Variants in RALGPS1 observed in about 807,000 individuals in gnomAD.
RALGPS1 encodes ras-specific guanine nucleotide-releasing factor RalGPS1.
A neutral mutation model predicts 78.8 loss-of-function variants in RALGPS1; 19 were observed. The observed-to-expected ratio is 0.24, with a 90% CI of 0.17 to 0.35. RALGPS1 has a LOEUF of 0.35. Among genes scored for constraint, RALGPS1 ranks in the 10% least tolerant of loss-of-function variants. The probability of loss-of-function intolerance (pLI) is 1.00; values close to 1 mark genes in which losing one functional copy is unlikely to be tolerated. For missense variants in RALGPS1, 454 were observed against 688.3 expected (o/e 0.66, Z 3.81); for synonymous variants, 228 against 256.3 (o/e 0.89, Z 1.06).
intron 4 of RALGPS1, among the ~76,000 whole-genome samples, chr9:126,996,629 C>G (rs1226391960): frequency 2.0e-5 from 3 of 152,218 alleles, no homozygotes; most frequent in Non-Finnish European, 4.4e-5. Flanking sequence ...ACCAATCCTT[C>G]TGAAACTATT....
chr9:127,204,892 G>A (rs1204475064), intron 14 of RALGPS1, among the ~76,000 whole-genome samples: 2 of 152,194 alleles, frequency 1.3e-5, no homozygotes, highest in Non-Finnish European at 2.9e-5. Context: ...GCCCAGGTCT[G>A]CCAGGTCCCA....
At chr9:127,088,985 TTGAG>T in intron 8 of RALGPS1, 5 of 1,614,186 alleles carry the variant, frequency 3.1e-6, no homozygotes, top group Non-Finnish European at 4.2e-6. Flanking sequence ...CACCACTTTC[TTGAG>T]TGAGTAAGAG....
chr9:127,163,091 C>T (rs559636362), intron 8 of RALGPS1, among the ~76,000 whole-genome samples: 1 of 152,310 alleles, frequency 6.6e-6, no homozygotes, highest in Admixed American at 6.5e-5. Flanking sequence ...TCTCCAGTTT[C>T]TCTGCTTCTA....
chr9:127,044,941 T>A (rs1463322346), intron 5 of RALGPS1, among the ~76,000 whole-genome samples: 3 of 152,254 alleles, frequency 2.0e-5, no homozygotes, highest in Non-Finnish European at 1.5e-5. Flanking sequence ...AATCAAGTTA[T>A]CAACATGATT....
intron 1 of RALGPS1, among the ~76,000 whole-genome samples, chr9:126,917,892 G>A (rs1466416474): frequency 6.6e-6 from 1 of 152,150 alleles, no homozygotes; most frequent in East Asian, 1.9e-4. Context: ...AGAGTCCTTC[G>A]AGCTCTAGCC....
At chr9:127,111,720 A>G (rs1480972351) in intron 8 of RALGPS1, among the ~76,000 whole-genome samples, 3 of 152,218 alleles carry the variant, frequency 2.0e-5, no homozygotes, top group Non-Finnish European at 4.4e-5. Flanking sequence ...TAAGGTAGAT[A>G]CTGTTGCTGT....
At chr9:127,045,268 A>C (rs1038780276) in intron 5 of RALGPS1, among the ~76,000 whole-genome samples, 1 of 152,244 alleles carries the variant, frequency 6.6e-6, no homozygotes, top group Non-Finnish European at 1.5e-5. Context: ...AAAATGTTAT[A>C]GCAGAATGTA....
chr9:126,976,337 A>C (rs2040628530), intron 3 of RALGPS1, among the ~76,000 whole-genome samples: 1 of 150,642 alleles, frequency 6.6e-6, no homozygotes, highest in African/African-American at 2.4e-5. Flanking sequence ...ACACACTTTC[A>C]TATACACGCA....
At chr9:127,045,245 C>T (rs566055845) in intron 5 of RALGPS1, among the ~76,000 whole-genome samples, 12 of 152,112 alleles carry the variant, frequency 7.9e-5, no homozygotes, top group Admixed American at 5.9e-4. Context: ...CATTTTGTTA[C>T]GTATAATATT....
rs1225799216 is a variant in RALGPS1 at position 127,191,215 on chromosome 9, C to A, written c.911-3876C>A. ...CACTGATTTTGATGTCGTTTTTGGT[C>A]GGTTGTTTTGGTACAGACATTTAAA... On this transcript the variant is annotated intron_variant, in intron 11 of 18. Transcript: ENST00000259351. Among the ~76,000 whole-genome samples the A allele has an allele frequency of 3.3e-5, 5 of 152,234 alleles. No individual in the cohort carries two copies. In the East Asian group the frequency reaches 7.7e-4, roughly 23 times the overall value.
At chr9:127,019,361 T>C (rs1412795239) in intron 4 of RALGPS1, among the ~76,000 whole-genome samples, 1 of 152,142 alleles carries the variant, frequency 6.6e-6, no homozygotes, top group East Asian at 1.9e-4. Context: ...GGAGTCTTGC[T>C]TTGTCGCCCA....
intron 5 of RALGPS1, among the ~76,000 whole-genome samples, chr9:127,045,069 G>T (rs1310424658): frequency 6.6e-6 from 1 of 152,160 alleles, no homozygotes; most frequent in East Asian, 1.9e-4. Flanking sequence ...AATAGGTGAA[G>T]CCTGGGTTTT....
At chr9:127,213,993 G>C (rs2062432774) in intron 17 of RALGPS1, 1 of 152,206 alleles carries the variant, frequency 6.6e-6, no homozygotes, top group African/African-American at 2.4e-5. Flanking sequence ...AAATTACCAA[G>C]TTCTCTGCTC....
intron 6 of RALGPS1, among the ~76,000 whole-genome samples, chr9:127,052,068 C>CT (rs1190078110): frequency 6.6e-6 from 1 of 152,198 alleles, no homozygotes; most frequent in Non-Finnish European, 1.5e-5. Context: ...GCCTTCTGCA[C>CT]TTTAAGGATG....
intron 1 of RALGPS1, among the ~76,000 whole-genome samples, chr9:126,918,536 T>A (rs773260816): frequency 1.3e-4 from 20 of 152,128 alleles, no homozygotes; most frequent in Non-Finnish European, 2.5e-4. Flanking sequence ...TTGCCCAGGC[T>A]GGTCTCGAAC....
In RALGPS1 at chr9:127,135,438, A is replaced by C. The variant is rs183656209; in HGVS notation, c.611-30631A>C. 2.0e-5 allele frequency among the ~76,000 whole-genome samples: 3 copies of C among 152,290 alleles called. No individual in the cohort carries two copies. In the East Asian group the frequency reaches 5.8e-4, roughly 29 times the overall value. On this transcript the variant is annotated intron_variant, in intron 8 of 18. Transcript: ENST00000259351. The stretch of plus-strand genomic sequence containing the variant: ...TAGCCAGGTGGCTGCTGTACCAAGC[A>C]AGGGACAACCAGCCCAGAGCAGGGG...
intron 8 of RALGPS1, among the ~76,000 whole-genome samples, chr9:127,101,181 T>G (rs1328437772): frequency 6.6e-6 from 1 of 152,242 alleles, no homozygotes; most frequent in East Asian, 1.9e-4. Context: ...AAGGTAAGAA[T>G]GGTGATGATC....
chr9:127,138,153 A>G (rs1465001945), intron 8 of RALGPS1, among the ~76,000 whole-genome samples: 2 of 152,200 alleles, frequency 1.3e-5, no homozygotes, highest in African/African-American at 4.8e-5. Flanking sequence ...GGTAGCGAAC[A>G]TGTGTTCATT....
intron 4 of RALGPS1, chr9:126,990,323 T>C: frequency 3.9e-6 from 1 of 255,584 alleles, no homozygotes; most frequent in South Asian, 7.4e-5. Context: ...CCTTTTCATG[T>C]CTCCTCACAT....
Sources: allele counts gnomAD v4.1 joint callset (sites outside exome capture counted in the v4.1 genomes callset), GRCh38; gene constraint gnomAD v4.1.1; transcripts MANE v1.5; gene names NCBI Gene and HGNC (gene_info 2026-07-23, HGNC 2026-07-21).